RELL1: variants seen among roughly 807,000 people sequenced by gnomAD.
RELL1 encodes RELT-like protein 1.
In RELL1, 10 loss-of-function variants were observed where a neutral mutation model predicts 23.0. The ratio of observed to expected loss-of-function variants is 0.43; its 90% CI spans 0.27 to 0.74. RELL1 has a LOEUF of 0.74. Ranked by LOEUF, RELL1 falls within the 30% of genes least tolerant of loss-of-function variation. The probability of loss-of-function intolerance (pLI) is 0.19; values close to 1 mark genes in which losing one functional copy is unlikely to be tolerated. For synonymous variants in RELL1, 146 were observed against 146.8 expected (o/e 0.99, Z 0.04); for missense variants, 315 against 364.4 (o/e 0.86, Z 1.10).
chr4:37,648,484 C>T (rs1339088612), intron 2 of RELL1, among the ~76,000 whole-genome samples: 1 of 152,188 alleles, frequency 6.6e-6, no homozygotes, highest in Non-Finnish European at 1.5e-5. Flanking sequence ...CTTAGCAGGG[C>T]TGAAAGGAAT....
intron 6 of RELL1, among the ~76,000 whole-genome samples, chr4:37,614,545 T>C (rs567639428): frequency 6.6e-6 from 1 of 152,148 alleles, no homozygotes. Context: ...AACTGCAGAT[T>C]TTTACTGTAA....
chr4:37,669,197 C>G (rs1192665447), intron 1 of RELL1, among the ~76,000 whole-genome samples: 1 of 135,362 alleles, frequency 7.4e-6, no homozygotes, highest in Non-Finnish European at 1.5e-5. Flanking sequence ...GGGGGGTCAG[C>G]CCCCTGCCTG....
intron 6 of RELL1, among the ~76,000 whole-genome samples, chr4:37,626,267 C>G (rs957259230): frequency 6.6e-6 from 1 of 152,144 alleles, no homozygotes; most frequent in Admixed American, 6.5e-5. Context: ...CACTTGAGAT[C>G]AGGAGTTCAA....
chr4:37,633,372 G>A (rs1441540930), intron 5 of RELL1, among the ~76,000 whole-genome samples: 2 of 122,040 alleles, frequency 1.6e-5, no homozygotes, highest in East Asian at 2.6e-4. Context: ...TCACACCACT[G>A]CACTCCAGCT....
intron 6 of RELL1, among the ~76,000 whole-genome samples, chr4:37,595,995 GA>G (rs1470405830): frequency 2.0e-5 from 3 of 152,114 alleles, no homozygotes; most frequent in East Asian, 1.9e-4. Flanking sequence ...AGTGATGGGG[GA>G]AAAAAGGTGC....
intron 6 of RELL1, among the ~76,000 whole-genome samples, chr4:37,592,336 C>A (rs1029725183): frequency 7.5e-6 from 1 of 133,984 alleles, no homozygotes. Flanking sequence ...GGCAATTTAG[C>A]GAGACCCCAT....
chr4:37,589,879 G>A (rs757115067), downstream of RELL1, among the ~76,000 whole-genome samples: 14 of 152,188 alleles, frequency 9.2e-5, no homozygotes, highest in African/African-American at 1.9e-4. Context: ...TGATCCACCC[G>A]CCTTGGCCAC....
intron 6 of RELL1, among the ~76,000 whole-genome samples, chr4:37,630,426 G>A (rs1451152882): frequency 2.8e-5 from 4 of 143,786 alleles, no homozygotes; most frequent in East Asian, 2.1e-4. Flanking sequence ...GTGCAGTGGC[G>A]TGATCTCGGC....
At chr4:37,605,846 G>GAAAGAAAGAAA (rs1560324808), downstream of RELL1, among the ~76,000 whole-genome samples, 1 of 101,444 alleles carries the variant, frequency 9.9e-6, no homozygotes. Flanking sequence ...AAAGAAAGAA[G>GAAAGAAAGAAA]GAAAAGAAAA....
intron 6 of RELL1, among the ~76,000 whole-genome samples, chr4:37,621,147 G>A (rs192206271): frequency 1.3e-5 from 2 of 152,254 alleles, no homozygotes; most frequent in Non-Finnish European, 2.9e-5. Context: ...TAGAACTCAA[G>A]GTCTCAAGGC....
In RELL1 at chr4:37,611,715, T is replaced by G. The variant is rs979106682; in HGVS notation, c.*1631A>C. Among the ~76,000 whole-genome samples, 2 of 150,960 alleles carry G rather than the reference T, an allele frequency of 1.3e-5. No individual in the cohort carries two copies. The highest frequency in any genetic ancestry group is 2.9e-5 in the Non-Finnish European group (2 of 67,842). On this transcript the variant is annotated 3_prime_UTR_variant, in exon 7 of 7. Transcript: ENST00000454158. ...CCTCTGGGTCCTTTCAGGTGTTTTG[T>G]AAAATGTACAGTTATAAAAAAAAAA...
At chr4:37,615,541 A>G (rs1369596121) in intron 6 of RELL1, among the ~76,000 whole-genome samples, 1 of 152,194 alleles carries the variant, frequency 6.6e-6, no homozygotes, top group African/African-American at 2.4e-5. Flanking sequence ...AAAGGCTAAC[A>G]GGAGTGGGTG....
chr4:37,588,510 C>G (rs1174839902), downstream of RELL1: 1 of 209,236 alleles, frequency 4.8e-6, no homozygotes, highest in Non-Finnish European at 9.7e-6. Context: ...TAGAAGGTAA[C>G]AGATTAGAAA....
At chr4:37,625,882 T>A (rs1719919874) in intron 6 of RELL1, among the ~76,000 whole-genome samples, 1 of 151,888 alleles carries the variant, frequency 6.6e-6, no homozygotes, top group Admixed American at 6.6e-5. Context: ...TATAGATAAT[T>A]TTTGTCAATA....
At chr4:37,685,952 G>C (rs577787630) in intron 1 of RELL1, among the ~76,000 whole-genome samples, 55 of 152,342 alleles carry the variant, frequency 3.6e-4, no homozygotes, top group African/African-American at 1.2e-3. Context: ...GGGGAACACA[G>C]ATCCTCGGAG....
intron 1 of RELL1, among the ~76,000 whole-genome samples, chr4:37,672,302 T>C (rs946015133): frequency 6.6e-5 from 10 of 152,120 alleles, no homozygotes; most frequent in African/African-American, 2.4e-4. Context: ...AAGGATCACA[T>C]TAGCACAAAC....
intron 6 of RELL1, among the ~76,000 whole-genome samples, chr4:37,594,740 G>A (rs959610403): frequency 6.6e-6 from 1 of 152,094 alleles, no homozygotes; most frequent in African/African-American, 2.4e-5. Context: ...CTGGCCATTC[G>A]TCATTTTCCT....
chr4:37,623,827 C>T (rs1719850528), intron 6 of RELL1, among the ~76,000 whole-genome samples: 1 of 152,118 alleles, frequency 6.6e-6, no homozygotes, highest in African/African-American at 2.4e-5. Context: ...TTCTGTTGCC[C>T]CGTAAGACCA....
intron 4 of RELL1, among the ~76,000 whole-genome samples, chr4:37,638,056 C>A (rs1206316326): frequency 6.6e-6 from 1 of 152,230 alleles, no homozygotes; most frequent in Non-Finnish European, 1.5e-5. Context: ...CAGGACTCAA[C>A]CACATCTCCC....
Sources: allele counts gnomAD v4.1 joint callset (sites outside exome capture counted in the v4.1 genomes callset), GRCh38; gene constraint gnomAD v4.1.1; transcripts MANE v1.5; gene names NCBI Gene and HGNC (gene_info 2026-07-23, HGNC 2026-07-21).